ELMOD1: variants seen among roughly 807,000 people sequenced by gnomAD.
The protein encoded by ELMOD1 is ELMO domain containing 1.
ELMOD1 carries 21 observed loss-of-function variants against 46.7 expected under a neutral mutation model. The observed-to-expected ratio is 0.45, with a 90% CI of 0.32 to 0.65. The LOEUF is 0.65. Among genes scored for constraint, ELMOD1 ranks in the 30% least tolerant of loss-of-function variants. ELMOD1 has a pLI of 0.04. For missense variants in ELMOD1, 348 were observed against 407.8 expected (o/e 0.85, Z 1.26); for synonymous variants, 122 against 138.2 (o/e 0.88, Z 0.82).
At chr11:107,641,833 G>C (rs1470435220) in intron 6 of ELMOD1, among the ~76,000 whole-genome samples, 1 of 151,318 alleles carries the variant, frequency 6.6e-6, no homozygotes, top group Non-Finnish European at 1.5e-5. Flanking sequence ...AAACATTTCA[G>C]GTAAGATGGA....
intron 11 of ELMOD1, among the ~76,000 whole-genome samples, chr11:107,658,827 C>T (rs1369843595): frequency 2.0e-5 from 3 of 152,116 alleles, no homozygotes; most frequent in Admixed American, 6.6e-5. Context: ...CCCAGCTACT[C>T]GGGAGGCTGA....
At chr11:107,624,628 C>T (rs1866010965) in intron 2 of ELMOD1, among the ~76,000 whole-genome samples, 1 of 151,988 alleles carries the variant, frequency 6.6e-6, no homozygotes, top group Admixed American at 6.6e-5. Flanking sequence ...CGTGTCTTGA[C>T]AAATAAATAA....
chr11:107,630,545 C>G lies in ELMOD1; in HGVS notation c.146C>G (p.Ser49Cys). The G allele has an allele frequency of 6.2e-7, 1 of 1,610,204 alleles. No homozygotes were observed. Among genetic ancestry groups the G allele is most frequent in the Admixed American group, 1.7e-5 (1 of 59,452 alleles). Residue 49 changes from serine (S) to cysteine (C), a missense_variant, in exon 3 of 12, where the codon TCT becomes TGT. Coordinates refer to ENST00000265840, the MANE Select transcript of ELMOD1 (RefSeq NM_018712.4). ...TGTTATAATACCAAGCCGGGAGCTT[C>G]TAGAACCATGAAAATCGGTAAGCCT... ...RICYNTKPGA[S>C]RTMKIETSLR...
At chr11:107,663,268 A>T (rs1324817867) in intron 11 of ELMOD1, among the ~76,000 whole-genome samples, 1 of 152,126 alleles carries the variant, frequency 6.6e-6, no homozygotes, top group African/African-American at 2.4e-5. Flanking sequence ...CAGTAGGGTG[A>T]TGGTTGGTGT....
chr11:107,659,627 A>C (rs1379732768), intron 11 of ELMOD1, among the ~76,000 whole-genome samples: 1 of 112,064 alleles, frequency 8.9e-6, no homozygotes, highest in Non-Finnish European at 1.7e-5. Context: ...AAAGGTGCTC[A>C]GTAACTAGAG....
chr11:107,649,218 A>G (rs78820499), intron 7 of ELMOD1, among the ~76,000 whole-genome samples: 4,323 of 152,304 alleles, frequency 0.028, 66 homozygotes, highest in South Asian at 0.076. Flanking sequence ...AAATTAAATC[A>G]TTACCTCACC....
At chr11:107,638,746 G>T (rs1010855244) in intron 6 of ELMOD1, among the ~76,000 whole-genome samples, 1 of 152,188 alleles carries the variant, frequency 6.6e-6, no homozygotes, top group African/African-American at 2.4e-5. Context: ...ATTTGTGTAT[G>T]GTGTTTACGG....
chr11:107,600,636 A>G (rs1021808341), intron 1 of ELMOD1: 7 of 152,958 alleles, frequency 4.6e-5, no homozygotes, highest in Admixed American at 4.6e-4. Context: ...AATGATTTGG[A>G]CGTTCTGTTA....
At position 107,603,453 on chromosome 11, in the gene ELMOD1, C is replaced by T. The variant is rs897216989; in HGVS notation, c.-86+12044C>T. The stretch of plus-strand genomic sequence containing the variant: ...ACTAGGGAGGCTGAGGTGGGAGGAT[C>T]GCTTAAACCCAGGCGGTGGAGGTTG... On this transcript the variant is annotated intron_variant, in intron 1 of 11. Coordinates refer to ENST00000265840, the MANE Select transcript of ELMOD1 (RefSeq NM_018712.4). Among the ~76,000 whole-genome samples the T allele has an allele frequency of 1.1e-4, 16 of 151,930 alleles. No homozygotes were observed. In the Middle Eastern group the frequency reaches 0.014, roughly 131 times the overall value.
chr11:107,633,441 C>CT (rs947485539), intron 5 of ELMOD1, among the ~76,000 whole-genome samples: 2 of 151,564 alleles, frequency 1.3e-5, no homozygotes, highest in Non-Finnish European at 2.9e-5. Flanking sequence ...TTATTTTAAT[C>CT]TTTTTTTTGA....
At chr11:107,608,565 A>G (rs554926899) in intron 1 of ELMOD1, among the ~76,000 whole-genome samples, 2 of 152,174 alleles carry the variant, frequency 1.3e-5, no homozygotes, top group Admixed American at 6.5e-5. Context: ...TGGGTGGGGG[A>G]TATTTTTACT....
chr11:107,616,737 T>C (rs558653111), intron 1 of ELMOD1, among the ~76,000 whole-genome samples: 1 of 152,292 alleles, frequency 6.6e-6, no homozygotes, highest in East Asian at 1.9e-4. Flanking sequence ...TGGGAGTTCT[T>C]TCAGTTGATT....
At chr11:107,598,942 C>T (rs1186259404) in intron 1 of ELMOD1, among the ~76,000 whole-genome samples, 1 of 152,170 alleles carries the variant, frequency 6.6e-6, no homozygotes, top group African/African-American at 2.4e-5. Context: ...GGTGCGAGTC[C>T]ATTTTTACGT....
intron 10 of ELMOD1, 94 bp from the exon 11 acceptor site, chr11:107,655,839 G>T (rs185860716): frequency 1.5e-6 from 2 of 1,327,792 alleles, no homozygotes; most frequent in African/African-American, 1.5e-5. Flanking sequence ...GTACACTGTC[G>T]TGGCACTGGT....
At chr11:107,646,098 A>T (rs1013079492) in intron 6 of ELMOD1, among the ~76,000 whole-genome samples, 1 of 152,194 alleles carries the variant, frequency 6.6e-6, no homozygotes. Flanking sequence ...CTAAATAGTA[A>T]ACTTGTTTAC....
chr11:107,616,790 A>G (rs1450459714), intron 1 of ELMOD1, among the ~76,000 whole-genome samples: 1 of 152,098 alleles, frequency 6.6e-6, no homozygotes, highest in Non-Finnish European at 1.5e-5. Flanking sequence ...TACCTTGAGC[A>G]CTTCTTGACT....
At chr11:107,640,502 T>C (rs1866303155) in intron 6 of ELMOD1, among the ~76,000 whole-genome samples, 1 of 152,178 alleles carries the variant, frequency 6.6e-6, no homozygotes, top group Admixed American at 6.5e-5. Flanking sequence ...GCATAAACTA[T>C]TTATACATAC....
intron 7 of ELMOD1, among the ~76,000 whole-genome samples, chr11:107,648,923 T>C (rs1866479143): frequency 6.6e-6 from 1 of 152,186 alleles, no homozygotes; most frequent in South Asian, 2.1e-4. Context: ...TTCAAGTTGG[T>C]TCTTGTGTCC....
intron 1 of ELMOD1, among the ~76,000 whole-genome samples, chr11:107,614,211 C>T (rs1865823964): frequency 6.6e-6 from 1 of 152,188 alleles, no homozygotes; most frequent in Admixed American, 6.5e-5. Flanking sequence ...CTGTCCATTG[C>T]CTTATCCTGC....
Sources: gnomAD v4.1 joint callset for allele counts (sites outside exome capture counted in the v4.1 genomes callset) on GRCh38, gnomAD v4.1.1 for gene constraint, MANE v1.5 for transcripts, NCBI Gene and HGNC (gene_info 2026-07-23, HGNC 2026-07-21) for gene names.